Variants in PCDHA12 observed in about 807,000 individuals in gnomAD.
PCDHA12 encodes the protein protocadherin alpha 12.
Under a neutral mutation model 60.0 loss-of-function variants are expected in PCDHA12, and 44 were observed. That is an observed-to-expected ratio of 0.73 (90% CI 0.58 to 0.94). The LOEUF (loss-of-function observed/expected upper bound fraction) is 0.94. Ranked by LOEUF, PCDHA12 falls within the 40% of genes least tolerant of loss-of-function variation. The pLI, the probability that PCDHA12 is intolerant of heterozygous loss-of-function variation, is 0.00. For missense variants in PCDHA12, 1,276 were observed against 1,239.7 expected, an observed-to-expected ratio of 1.03 and a Z score of -0.44; for synonymous variants, 569 against 553.0, an observed-to-expected ratio of 1.03 and a Z score of -0.40.
chr5:140,877,792 C>T lies in PCDHA12; in HGVS notation c.2320C>T (p.Pro774Ser), dbSNP rs782259804. ...PPKTDLMAFS[P>S]SLQLSREDCL... ...CAAGACGGACCTCATGGCCTTCAGC[C>T]CAAGCCTTCAGCTGTCTCGAGAAGA... Residue 774 changes from proline to serine, a missense_variant, in exon 1 of 4, where the codon CCA (proline) becomes TCA (serine). Physicochemically the swap from Pro to Ser is moderately conservative, Grantham distance 74. Transcript: ENST00000398631. The T allele has an allele frequency of 6.2e-7, 1 of 1,614,004 alleles. No homozygotes were observed. Among genetic ancestry groups the T allele is most frequent in the Non-Finnish European group, 8.5e-7 (1 of 1,179,952 alleles).
intron 1 of PCDHA12, among the ~76,000 whole-genome samples, chr5:140,916,814 G>A (rs1201189287): frequency 3.3e-5 from 5 of 152,112 alleles, no homozygotes; most frequent in African/African-American, 1.2e-4. Context: ...TAGGTCATGT[G>A]CCACCCCTAT....
intron 1 of PCDHA12, chr5:140,928,931 A>G: frequency 1.9e-6 from 3 of 1,614,150 alleles, no homozygotes; most frequent in Non-Finnish European, 2.5e-6. Flanking sequence ...CTTTCTGCCC[A>G]GAACTTGTAT....
chr5:140,938,468 A>G (rs1427570517), intron 1 of PCDHA12, among the ~76,000 whole-genome samples: 1 of 152,096 alleles, frequency 6.6e-6, no homozygotes, highest in African/African-American at 2.4e-5. Context: ...TTAATTTATT[A>G]TGTTTTTTAA....
chr5:140,998,423 T>C (rs1248330149), intron 3 of PCDHA12, among the ~76,000 whole-genome samples: 1 of 152,248 alleles, frequency 6.6e-6, no homozygotes, highest in African/African-American at 2.4e-5. Context: ...ACCTGGTTTA[T>C]CCTTTAACAC....
chr5:140,909,376 A>C (rs934172847), intron 1 of PCDHA12, among the ~76,000 whole-genome samples: 3 of 152,208 alleles, frequency 2.0e-5, no homozygotes, highest in Non-Finnish European at 4.4e-5. Context: ...AAGCAATGAA[A>C]CCACATCTAG....
chr5:140,967,127 T>C (rs155808), intron 1 of PCDHA12: 558,768 of 1,612,332 alleles, frequency 0.35, 98,550 homozygotes, highest in East Asian at 0.51. Flanking sequence ...CCTGCTCAGC[T>C]TGGAAGTGCT....
In PCDHA12 at chr5:140,877,372, A is replaced by T; in HGVS notation, c.1900A>T (p.Thr634Ser). 6 of 1,613,992 alleles carry T rather than the reference A, an allele frequency of 3.7e-6. No individual in the cohort carries two copies. Among genetic ancestry groups the T allele is most frequent in the Non-Finnish European group, 5.1e-6 (6 of 1,179,880 alleles). Residue 634 changes from threonine (T) to serine (S), a missense_variant, in exon 1 of 4, where the codon ACA (threonine) becomes TCA (serine). Coordinates refer to ENST00000398631, the MANE Select transcript of PCDHA12 (RefSeq NM_018903.4). The stretch of plus-strand genomic sequence containing the variant: ...GCTGTACACTGGCGAGATCAGCACG[A>T]CACGCATCCTGGATGAGGCGGACGC... ...VGLYTGEIST[T>S]RILDEADAPR...
chr5:140,902,572 G>A (rs1249141591), intron 1 of PCDHA12, among the ~76,000 whole-genome samples: 1 of 151,954 alleles, frequency 6.6e-6, no homozygotes, highest in Non-Finnish European at 1.5e-5. Flanking sequence ...GGGTTTTTAA[G>A]ATTTCAATAG....
At chr5:141,005,632 G>C (rs2098225457) in intron 3 of PCDHA12, among the ~76,000 whole-genome samples, 2 of 148,162 alleles carry the variant, frequency 1.3e-5, no homozygotes, top group Non-Finnish European at 3.0e-5. Context: ...AACCCGGGAG[G>C]CGGAGCTTGC....
intron 3 of PCDHA12, among the ~76,000 whole-genome samples, chr5:141,006,384 T>G (rs181638891): frequency 6.6e-6 from 1 of 152,126 alleles, no homozygotes; most frequent in African/African-American, 2.4e-5. Flanking sequence ...GCTAAGTTTT[T>G]TCTATTTTTT....
Position 141,005,651 on chromosome 5 carries a change from G to A in PCDHA12, c.2516-3976G>A, listed in dbSNP as rs1554260215. ...CGGGAGGCGGAGCTTGCAGTGAGTC[G>A]AGATCGCGCCACTGCACTCCAGCCT... On this transcript the variant is annotated intron_variant, in intron 3 of 3. Coordinates refer to ENST00000398631, the MANE Select transcript of PCDHA12 (RefSeq NM_018903.4). Among the ~76,000 whole-genome samples, 4 of 131,238 alleles carry A rather than the reference G, an allele frequency of 3.0e-5. No homozygotes were observed. In the East Asian group the frequency reaches 7.0e-4, roughly 23 times the overall value. The allele number at this position is 131,238 out of a possible 152,430, so 86.1% of individuals were successfully genotyped here.
At chr5:140,883,333 G>T (rs1554177722) in intron 1 of PCDHA12, 1 of 1,614,066 alleles carries the variant, frequency 6.2e-7, no homozygotes, top group Non-Finnish European at 8.5e-7. Flanking sequence ...TCACTTCTTT[G>T]TCACTCCCCA....
chr5:140,971,420 TGAA>T (rs782149033), intron 1 of PCDHA12, among the ~76,000 whole-genome samples: 3 of 152,112 alleles, frequency 2.0e-5, no homozygotes, highest in Non-Finnish European at 4.4e-5. Flanking sequence ...GGAAATCCAG[TGAA>T]GAACCCCAAG....
In PCDHA12 at chr5:141,010,033, G is replaced by A. The variant is rs2098415819; in HGVS notation, c.*96G>A. 1.9e-6 allele frequency: 3 copies of A among 1,581,924 alleles called. No homozygotes were observed. The South Asian group carries it at 3.6e-5, about 19-fold the overall frequency. ...CCCTGCTCCTTTTTCCTATCTACAT[G>A]AGCCCTCTTAGAGACCTCAGAAATC... On this transcript the variant is annotated 3_prime_UTR_variant, in exon 4 of 4. Transcript: ENST00000398631.
chr5:140,954,845 C>G (rs1479368081), intron 1 of PCDHA12, among the ~76,000 whole-genome samples: 2 of 152,140 alleles, frequency 1.3e-5, no homozygotes, highest in African/African-American at 2.4e-5. Flanking sequence ...AAATCTTTGC[C>G]TGTGCCTATG....
At chr5:140,969,149 G>A (rs782510891) in intron 1 of PCDHA12, 89 of 1,614,002 alleles carry the variant, frequency 5.5e-5, no homozygotes, top group Non-Finnish European at 6.8e-5. Context: ...CTGCTACAAG[G>A]CCTGTCTGAC....
rs144735555 is a variant in PCDHA12 at position 140,884,569 on chromosome 5, G to C, written c.2367+6730G>C. The stretch of plus-strand genomic sequence containing the variant: ...GCTCTGGGGAGGGCCCGCATAAGAC[G>C]GACCTCATGGCCTTCAGTCCCAGCC... On this transcript the variant is annotated intron_variant, in intron 1 of 3. Transcript: ENST00000398631. 7 of 1,614,008 alleles carry C rather than the reference G, an allele frequency of 4.3e-6. No individual in the cohort carries two copies. In the African/African-American group the frequency reaches 8.0e-5, roughly 18 times the overall value.
intron 1 of PCDHA12, chr5:140,884,516 T>C: frequency 6.2e-7 from 1 of 1,613,960 alleles, no homozygotes; most frequent in South Asian, 1.1e-5. Context: ...GAGTTGGTCG[T>C]ACTCGCAGCA....
intron 1 of PCDHA12, among the ~76,000 whole-genome samples, chr5:140,959,419 A>G (rs1554224077): frequency 2.0e-5 from 3 of 152,150 alleles, no homozygotes; most frequent in Non-Finnish European, 4.4e-5. Context: ...TTGATCTGAG[A>G]ATTTGTGTAT....
Sources: gnomAD v4.1 joint callset for allele counts (sites outside exome capture counted in the v4.1 genomes callset) on GRCh38, gnomAD v4.1.1 for gene constraint, MANE v1.5 for transcripts, NCBI Gene and HGNC (gene_info 2026-07-23, HGNC 2026-07-21) for gene names.